Variants in SUGCT observed in about 807,000 individuals in gnomAD.
The protein encoded by SUGCT is succinyl-CoA:glutarate-CoA transferase, also known as succinyl-CoA:glutarate CoA-transferase.
A neutral mutation model predicts 55.0 loss-of-function variants in SUGCT; 41 were observed. The observed-to-expected ratio is 0.74, with a 90% confidence interval of 0.58 to 0.97. The LOEUF (loss-of-function observed/expected upper bound fraction) is 0.97, where lower values mean the gene tolerates loss of function less well. Ranked by LOEUF, SUGCT falls within the 50% of genes least tolerant of loss-of-function variation. The pLI is 0.00. For synonymous variants in SUGCT, 187 were observed against 200.4 expected, an observed-to-expected ratio of 0.93 and a Z score of 0.56; for missense variants, 568 against 547.8, an observed-to-expected ratio of 1.04 and a Z score of -0.37.
At chr7:40,648,254 T>G (rs1458338767) in intron 12 of SUGCT, among the ~76,000 whole-genome samples, 1 of 152,224 alleles carries the variant, frequency 6.6e-6, no homozygotes, top group Non-Finnish European at 1.5e-5. Flanking sequence ...ATTATATCTT[T>G]TTGCATATTT....
At chr7:40,149,530 C>T (rs1052346461) in intron 1 of SUGCT, among the ~76,000 whole-genome samples, 10 of 152,044 alleles carry the variant, frequency 6.6e-5, no homozygotes, top group Admixed American at 3.3e-4. Context: ...GGCTCATGCC[C>T]GTAATCCCAG....
the SUGCT span, among the ~76,000 whole-genome samples, chr7:40,909,928 A>G: frequency 6.6e-6 from 1 of 152,110 alleles, no homozygotes; most frequent in Non-Finnish European, 1.5e-5. Context: ...TCTTCCAGGA[A>G]AGTGCTCACA....
chr7:40,988,484 A>T, the SUGCT span, among the ~76,000 whole-genome samples: 2 of 151,840 alleles, frequency 1.3e-5, no homozygotes, highest in East Asian at 3.9e-4. Context: ...GGCATAAACT[A>T]CTGAGATCAT....
the SUGCT span, among the ~76,000 whole-genome samples, chr7:41,028,707 T>C: frequency 6.6e-6 from 1 of 152,232 alleles, no homozygotes; most frequent in African/African-American, 2.4e-5. Context: ...CACCTTTCTA[T>C]GTACAGTCCA....
the SUGCT span, among the ~76,000 whole-genome samples, chr7:40,999,077 C>T: frequency 1.3e-5 from 2 of 152,182 alleles, no homozygotes; most frequent in African/African-American, 2.4e-5. Context: ...GACTGCTGTA[C>T]TGTGAGCTGC....
chr7:40,407,200 T>G (rs1190388364), intron 9 of SUGCT, among the ~76,000 whole-genome samples: 1 of 152,128 alleles, frequency 6.6e-6, no homozygotes, highest in East Asian at 1.9e-4. Flanking sequence ...CAGATAAATT[T>G]TGCCGTTCAC....
At chr7:40,526,393 C>CT (rs1250752716) in intron 12 of SUGCT, among the ~76,000 whole-genome samples, 1 of 152,162 alleles carries the variant, frequency 6.6e-6, no homozygotes, top group Non-Finnish European at 1.5e-5. Context: ...AAGGACTTCT[C>CT]TACTTGTTAC....
At chr7:40,193,697 C>G (rs1394125416) in intron 5 of SUGCT, among the ~76,000 whole-genome samples, 4 of 151,500 alleles carry the variant, frequency 2.6e-5, no homozygotes, top group African/African-American at 9.7e-5. Context: ...CTCCCAGGTT[C>G]AAGTGATTCT....
chr7:40,466,656 G>C (rs538131591), intron 11 of SUGCT, among the ~76,000 whole-genome samples: 1 of 152,288 alleles, frequency 6.6e-6, no homozygotes, highest in South Asian at 2.1e-4. Flanking sequence ...AGCAATGATG[G>C]GCAAGGTATC....
chr7:40,814,492 A>G (rs187322533), intron 13 of SUGCT, among the ~76,000 whole-genome samples: 20 of 151,970 alleles, frequency 1.3e-4, no homozygotes, highest in Admixed American at 1.1e-3. Flanking sequence ...CAGTCTATTG[A>G]TAAATCTGTC....
At chr7:40,667,520 C>T (rs1801708351) in intron 12 of SUGCT, among the ~76,000 whole-genome samples, 2 of 150,476 alleles carry the variant, frequency 1.3e-5, no homozygotes, top group Non-Finnish European at 2.9e-5. Flanking sequence ...AGAATTGGTA[C>T]TAGCTTTTCT....
At chr7:40,783,449 T>G (rs1395628307) in intron 13 of SUGCT, 1 of 152,190 alleles carries the variant, frequency 6.6e-6, no homozygotes, top group East Asian at 1.9e-4. Flanking sequence ...AAGAAACTCT[T>G]CTGAAAATTT....
chr7:40,339,683 C>G (rs937419364), intron 9 of SUGCT, among the ~76,000 whole-genome samples: 2 of 152,204 alleles, frequency 1.3e-5, no homozygotes, highest in African/African-American at 4.8e-5. Context: ...TCCCTGACCC[C>G]TTGCGCTTCC....
At chr7:40,999,965 A>C in the SUGCT span, among the ~76,000 whole-genome samples, 1 of 152,216 alleles carries the variant, frequency 6.6e-6, no homozygotes, top group African/African-American at 2.4e-5. Flanking sequence ...CCCCAAGCAC[A>C]GTGCTTCATG....
chr7:40,285,713 T>C (rs1793292206), intron 8 of SUGCT, among the ~76,000 whole-genome samples: 1 of 152,134 alleles, frequency 6.6e-6, no homozygotes, highest in Non-Finnish European at 1.5e-5. Flanking sequence ...CTAGGAAAAT[T>C]ACTTTAGTTC....
the SUGCT span, among the ~76,000 whole-genome samples, chr7:40,875,094 T>C: frequency 6.6e-6 from 1 of 152,356 alleles, no homozygotes. Context: ...TTTTCTACTA[T>C]TAACCCTTTA....
In SUGCT at chr7:40,860,466, A is replaced by C; in HGVS notation, c.1304A>C (p.His435Pro). 1 of 1,610,896 alleles carries C rather than the reference A, an allele frequency of 6.2e-7. No individual in the cohort carries two copies. The highest frequency in any genetic ancestry group is 8.5e-7 in the Non-Finnish European group (1 of 1,177,536). ...CTCAGCGCTGGAGTGGTGGACCAAC[A>C]TGAAACTCACTGACAAAGGAAAAGG... ...ELLSAGVVDQ[H>P]ETH The change falls in exon 14 of 14, where the codon CAT becomes CCT. Residue 435 changes from histidine (H) to proline (P), a missense_variant. Transcript: ENST00000335693.
At chr7:40,505,592 G>C (rs143226600) in intron 12 of SUGCT, among the ~76,000 whole-genome samples, 2 of 151,838 alleles carry the variant, frequency 1.3e-5, no homozygotes, top group Non-Finnish European at 1.5e-5. Context: ...CTTCAGTTTT[G>C]TACTGATTTA....
intron 12 of SUGCT, among the ~76,000 whole-genome samples, chr7:40,698,790 G>A (rs373485236): frequency 1.6e-4 from 25 of 152,280 alleles, no homozygotes; most frequent in East Asian, 1.3e-3. Flanking sequence ...GATGAGAAGT[G>A]AGGTGGGTGA....
Sources: allele counts gnomAD v4.1 joint callset (sites outside exome capture counted in the v4.1 genomes callset), GRCh38; gene constraint gnomAD v4.1.1; transcripts MANE v1.5; gene names NCBI Gene and HGNC (gene_info 2026-07-23, HGNC 2026-07-21).